The following P2RX7 variants were observed in gnomAD, a reference collection of about 807,000 sequenced individuals.
P2RX7 encodes purinergic receptor P2X 7, also known as P2X purinoceptor 7.
Under a neutral mutation model 71.6 loss-of-function variants are expected in P2RX7, and 62 were observed. The observed-to-expected ratio is 0.87, with a 90% CI of 0.71 to 1.07. P2RX7 has a LOEUF of 1.07. P2RX7 is among the 50% of genes least tolerant of loss of function. P2RX7 has a pLI of 0.00. For synonymous variants in P2RX7, 299 were observed against 283.3 expected (o/e 1.06, Z -0.56); for missense variants, 686 against 748.5 (o/e 0.92, Z 0.97).
At position 121,180,475 on chromosome 12, in the gene P2RX7, C is replaced by CTTTT; in HGVS notation, c.1290+31_1290+34dup. ...GTCCCAGTAAGTTAAATCATTTTGT[C>CTTTT]TTTTTTTTTTTTTTAAGAAAATTTA... On this transcript the variant is annotated intron_variant, in intron 12 of 12. Coordinates refer to ENST00000328963, the MANE Select transcript of P2RX7 (RefSeq NM_002562.6). 2 of 1,009,592 alleles carry CTTTT rather than the reference C, an allele frequency of 2.0e-6. No homozygotes were observed. The highest frequency in any genetic ancestry group is 2.9e-6 in the Non-Finnish European group (2 of 698,680). The allele number at this position is 1,009,592 out of a possible 1,614,324, so 62.5% of individuals were successfully genotyped here. A position where few individuals can be genotyped will look rare whatever the true frequency, so the allele number is the denominator to read the frequency against.
At chr12:121,163,348 ACACACACACG>A (rs1221168207) in intron 5 of P2RX7, among the ~76,000 whole-genome samples, 2 of 127,966 alleles carry the variant, frequency 1.6e-5, no homozygotes, top group African/African-American at 6.1e-5. Context: ...ACACACACAC[ACACACACACG>A]CACACACACA....
At chr12:121,178,157 G>A (rs1311701816) in intron 11 of P2RX7, among the ~76,000 whole-genome samples, 1 of 152,118 alleles carries the variant, frequency 6.6e-6, no homozygotes, top group Non-Finnish European at 1.5e-5. Context: ...CTCCATACCT[G>A]CCCTAGAGAA....
chr12:121,162,276 G>C, intron 4 of P2RX7, 148 bp from the exon 5 acceptor site: 1 of 1,443,036 alleles, frequency 6.9e-7, no homozygotes, highest in Non-Finnish European at 9.1e-7. Context: ...GTTAGGATGG[G>C]CTTGATGGAA....
At chr12:121,178,188 A>G (rs1048106157) in intron 11 of P2RX7, among the ~76,000 whole-genome samples, 7 of 152,216 alleles carry the variant, frequency 4.6e-5, no homozygotes, top group African/African-American at 1.7e-4. Flanking sequence ...GAGTACCCGC[A>G]GTACATGAGT....
chr12:121,147,135 T>C (rs1203596886), intron 1 of P2RX7, among the ~76,000 whole-genome samples: 1 of 152,118 alleles, frequency 6.6e-6, no homozygotes, highest in Non-Finnish European at 1.5e-5. Flanking sequence ...GAAAAGGAAA[T>C]TCGAAAAAGT....
chr12:121,144,488 G>T (rs911134449), intron 1 of P2RX7, among the ~76,000 whole-genome samples: 2 of 152,234 alleles, frequency 1.3e-5, no homozygotes, highest in Admixed American at 1.3e-4. Context: ...ATGAGCCACT[G>T]CACCCAGCCC....
chr12:121,177,092 C>G, intron 9 of P2RX7, 55 bp from the exon 10 acceptor site: 1 of 1,497,786 alleles, frequency 6.7e-7, no homozygotes, highest in Non-Finnish European at 9.3e-7. Context: ...CACGTTGAAG[C>G]AAAAGAGCGT....
At chr12:121,171,805 A>G (rs1718136) in intron 8 of P2RX7, among the ~76,000 whole-genome samples, 53,792 of 150,840 alleles carry the variant, frequency 0.36, 9,947 homozygotes, top group Non-Finnish European at 0.4. Flanking sequence ...CCACTCTTTG[A>G]GTGAGGGGCT....
At position 121,187,166 on chromosome 12, in the gene P2RX7, T is replaced by G. The variant is rs1884965595; in HGVS notation, c.*2364T>G. ...AAACAATAGCTATTTTATCGAATAG[T>G]TTAGAGACCACTATTAAATATTGTG... On this transcript the variant is annotated 3_prime_UTR_variant, in exon 13 of 13. Coordinates refer to ENST00000328963, the MANE Select transcript of P2RX7 (RefSeq NM_002562.6). The G allele has an allele frequency of 6.6e-6, 1 of 152,236 alleles. No homozygotes were observed. The highest frequency in any genetic ancestry group is 6.5e-5 in the Admixed American group (1 of 15,284). 9.4% of individuals were successfully genotyped at this position (152,236 alleles called of 1,614,324 possible).
chr12:121,144,193 T>G (rs374762490), intron 1 of P2RX7, among the ~76,000 whole-genome samples: 2 of 152,346 alleles, frequency 1.3e-5, no homozygotes, highest in South Asian at 2.1e-4. Context: ...AATAGAATAC[T>G]AATATCCTCT....
chr12:121,134,683 C>T (rs113899433), intron 1 of P2RX7, among the ~76,000 whole-genome samples: 2 of 152,306 alleles, frequency 1.3e-5, no homozygotes, highest in African/African-American at 4.8e-5. Context: ...TGAGCCGCCA[C>T]GCCCGGCTGA....
rs1304769301 is a variant in P2RX7, at chr12:121,155,106, T to C, written c.294+153T>C. On this transcript the variant is annotated intron_variant, in intron 2 of 12. Transcript: ENST00000328963. ...CATCCCAACTGAGAAAACCTAAAAA[T>C]TGCAAAACTGGGTGAGATCCAGGAG... 6.8e-6 allele frequency: 10 copies of C among 1,478,530 alleles called. No homozygotes were observed. In the South Asian group the frequency reaches 7.7e-5, roughly 11 times the overall value. 91.6% of individuals were successfully genotyped at this position (1,478,530 alleles called of 1,614,324 possible). A position where few individuals can be genotyped will look rare whatever the true frequency, so the allele number is the denominator to read the frequency against.
chr12:121,140,147 C>T (rs567922912), intron 1 of P2RX7, among the ~76,000 whole-genome samples: 7 of 152,206 alleles, frequency 4.6e-5, no homozygotes, highest in East Asian at 3.9e-4. Flanking sequence ...TAACCCAGTT[C>T]GGGAAGTGAC....
chr12:121,155,212 C>A (rs1007626488), intron 2 of P2RX7: 1 of 1,440,916 alleles, frequency 6.9e-7, no homozygotes, highest in African/African-American at 1.4e-5. Flanking sequence ...GGATTTGATT[C>A]ACTCGCGCTT....
intron 1 of P2RX7, among the ~76,000 whole-genome samples, chr12:121,143,767 G>T (rs1048660383): frequency 6.6e-6 from 1 of 151,758 alleles, no homozygotes; most frequent in Non-Finnish European, 1.5e-5. Context: ...CAGGAGAATC[G>T]CTTGAACTCA....
At chr12:121,143,878 T>C (rs12832396) in intron 1 of P2RX7, among the ~76,000 whole-genome samples, 7,452 of 152,248 alleles carry the variant, frequency 0.049, 228 homozygotes, top group South Asian at 0.079. Flanking sequence ...TTTTTACAAC[T>C]TTTTTGAGGT....
At chr12:121,140,158 C>T (rs1874544592) in intron 1 of P2RX7, among the ~76,000 whole-genome samples, 1 of 152,032 alleles carries the variant, frequency 6.6e-6, no homozygotes, top group African/African-American at 2.4e-5. Context: ...GGGAAGTGAC[C>T]CCGTAGGAGG....
At position 121,180,418 on chromosome 12, in the gene P2RX7, G is replaced by A. The variant is rs1883944607; in HGVS notation, c.1253G>A (p.Gly418Glu). 2 of 1,605,382 alleles carry A rather than the reference G, an allele frequency of 1.2e-6. No homozygotes were observed. Residue 418 changes from glycine (G) to glutamate (E), a missense_variant, in exon 12 of 13, where the codon GGG becomes GAG. Coordinates refer to ENST00000328963, the MANE Select transcript of P2RX7 (RefSeq NM_002562.6). The part of the protein sequence containing the change: ...HIRMVNQQLL[G>E]RSLQDVKGQE... ...AGGATGGTGAACCAGCAGCTACTAG[G>A]GAGAAGTCTGCAAGATGTCAAGGGC...
intron 3 of P2RX7, among the ~76,000 whole-genome samples, chr12:121,156,393 C>T (rs1268033816): frequency 6.6e-6 from 1 of 152,196 alleles, no homozygotes; most frequent in Admixed American, 6.5e-5. Flanking sequence ...ACTAGGGACC[C>T]GTGCAGACGG....
Sources: allele counts gnomAD v4.1 joint callset (sites outside exome capture counted in the v4.1 genomes callset), GRCh38; gene constraint gnomAD v4.1.1; transcripts MANE v1.5; gene names NCBI Gene and HGNC (gene_info 2026-07-23, HGNC 2026-07-21).